The following TLL1 variants were observed in gnomAD, a reference collection of about 807,000 sequenced individuals.
TLL1 encodes tolloid-like protein 1.
In TLL1, 49 loss-of-function variants were observed where a neutral mutation model predicts 128.2. The ratio of observed to expected loss-of-function variants is 0.38; its 90% CI spans 0.30 to 0.48. The LOEUF is 0.48. Among genes scored for constraint, TLL1 ranks in the 20% least tolerant of loss-of-function variants. The pLI, the probability that TLL1 is intolerant of heterozygous loss-of-function variation, is 0.96. For missense variants in TLL1, 1,123 were observed against 1,242.0 expected (o/e 0.90, Z 1.44); for synonymous variants, 454 against 418.8 (o/e 1.08, Z -1.03).
chr4:166,073,507 T>A (rs1208109739), intron 16 of TLL1, among the ~76,000 whole-genome samples: 1 of 152,150 alleles, frequency 6.6e-6, no homozygotes, highest in Non-Finnish European at 1.5e-5. Flanking sequence ...GTTTTGCTTT[T>A]TGCTTATTCT....
intron 1 of TLL1, among the ~76,000 whole-genome samples, chr4:165,894,446 C>T (rs1046006862): frequency 6.6e-6 from 1 of 152,080 alleles, no homozygotes; most frequent in African/African-American, 2.4e-5. Flanking sequence ...GAAAGAAATG[C>T]ACTGTCAACT....
In TLL1 at chr4:166,003,511, A is replaced by G. The variant is rs763177167; in HGVS notation, c.753A>G (p.Glu251=). 3.1e-6 allele frequency: 5 copies of G among 1,614,066 alleles called. No individual in the cohort carries two copies. In the South Asian group the frequency reaches 5.5e-5, roughly 18 times the overall value. Reference sequence around the variant, plus strand: ...GTCATGTGATAGGCTTTTGGCATGAACACACAAGACCAGATCGAGATAACC... The same window carrying G: ...GTCATGTGATAGGCTTTTGGCATGAGCACACAAGACCAGATCGAGATAACC... ...ELGHVIGFWH[E]HTRPDRDNHV... The change falls in exon 6 of 21, where the codon GAA becomes GAG. Residue 251 remains glutamate, a synonymous_variant. Transcript: ENST00000061240.
chr4:165,911,546 C>T (rs973808452), intron 1 of TLL1, among the ~76,000 whole-genome samples: 14 of 152,064 alleles, frequency 9.2e-5, no homozygotes, highest in African/African-American at 2.2e-4. Context: ...TGGTGGTAAA[C>T]GACTTCCTTG....
intron 8 of TLL1, among the ~76,000 whole-genome samples, chr4:166,020,140 G>A (rs1053231215): frequency 2.6e-5 from 4 of 152,062 alleles, no homozygotes; most frequent in Admixed American, 6.6e-5. Flanking sequence ...GCCACATCAC[G>A]TAGCCACAAG....
chr4:166,002,013 C>G (rs1737186841), intron 5 of TLL1, among the ~76,000 whole-genome samples: 1 of 152,070 alleles, frequency 6.6e-6, no homozygotes, highest in Non-Finnish European at 1.5e-5. Context: ...GTTGATTTTT[C>G]TTTACTACTT....
At position 166,050,686 on chromosome 4, in the gene TLL1, C is replaced by T. The variant is rs73863535; in HGVS notation, c.1525-4390C>T. On this transcript the variant is annotated intron_variant, in intron 12 of 20. Transcript: ENST00000061240. ...GTCCCAAGCCTGGCCATGACCCCTA[C>T]CTCCAGGGCTGGCTTTCCTTCAGTG... Among the ~76,000 whole-genome samples the T allele has an allele frequency of 9.1e-3, 1,392 of 152,250 alleles. 21 individuals carry two copies. The highest frequency in any genetic ancestry group is 0.031 in the African/African-American group (1,275 of 41,540).
chr4:166,093,985 A>G (rs1409732796), intron 19 of TLL1, among the ~76,000 whole-genome samples: 1 of 152,172 alleles, frequency 6.6e-6, no homozygotes, highest in Non-Finnish European at 1.5e-5. Context: ...ACAGCATCTC[A>G]GCAAAGCAAT....
At chr4:166,030,115 A>C (rs1487655638) in intron 9 of TLL1, among the ~76,000 whole-genome samples, 1 of 152,098 alleles carries the variant, frequency 6.6e-6, no homozygotes, top group Non-Finnish European at 1.5e-5. Flanking sequence ...CTAAGACTGC[A>C]AAAGGGTTCC....
chr4:166,036,027 C>G (rs916408588), intron 9 of TLL1, among the ~76,000 whole-genome samples: 2 of 152,110 alleles, frequency 1.3e-5, no homozygotes, highest in African/African-American at 4.8e-5. Flanking sequence ...GCTGCTTTTT[C>G]AGTCTAATTG....
At chr4:165,978,906 G>C (rs960553114) in intron 1 of TLL1, among the ~76,000 whole-genome samples, 2 of 152,154 alleles carry the variant, frequency 1.3e-5, no homozygotes, top group African/African-American at 4.8e-5. Flanking sequence ...GGTTCTTGTA[G>C]CTGTTTTCAC....
At chr4:165,875,849 T>C (rs1366457050) in intron 1 of TLL1, among the ~76,000 whole-genome samples, 4 of 152,138 alleles carry the variant, frequency 2.6e-5, no homozygotes, top group African/African-American at 9.7e-5. Flanking sequence ...ACCATGTGTA[T>C]TGAAACACAC....
intron 1 of TLL1, among the ~76,000 whole-genome samples, chr4:165,967,282 A>G (rs1735433095): frequency 6.6e-6 from 1 of 152,160 alleles, no homozygotes; most frequent in African/African-American, 2.4e-5. Flanking sequence ...TGCTCTACAA[A>G]CAATTTGTGC....
At chr4:166,023,136 C>T (rs973025488) in intron 8 of TLL1, among the ~76,000 whole-genome samples, 6 of 152,150 alleles carry the variant, frequency 3.9e-5, no homozygotes, top group African/African-American at 9.7e-5. Context: ...CAGTGGCTCA[C>T]GCCTGTAACC....
intron 18 of TLL1, among the ~76,000 whole-genome samples, chr4:166,082,404 A>G (rs781705265): frequency 2.0e-5 from 3 of 152,180 alleles, no homozygotes; most frequent in African/African-American, 7.2e-5. Flanking sequence ...TTTTGACATT[A>G]TAATTGCTTG....
At position 165,974,394 on chromosome 4, in the gene TLL1, C is replaced by A. The variant is rs1404515602; in HGVS notation, c.170-14987C>A. Among the ~76,000 whole-genome samples, 4 of 130,894 alleles carry A rather than the reference C, an allele frequency of 3.1e-5. 1 individual carries two copies. The highest frequency in any genetic ancestry group is 1.8e-4 in the African/African-American group (4 of 21,878). 85.9% of individuals were successfully genotyped at this position (130,894 alleles called of 152,430 possible). On this transcript the variant is annotated intron_variant, in intron 1 of 20. Transcript: ENST00000061240. The stretch of plus-strand genomic sequence containing the variant: ...TGACCTCGTGATCCGCCCGCCTCGG[C>A]CTCCCAAAGTGCTGGGATTACAGGC...
At chr4:166,046,004 G>A (rs974932872) in intron 12 of TLL1, among the ~76,000 whole-genome samples, 2 of 152,020 alleles carry the variant, frequency 1.3e-5, no homozygotes, top group African/African-American at 4.8e-5. Context: ...ATCTCTTTAT[G>A]TACATGTTTA....
rs1739951917 is a variant in TLL1, at chr4:166,055,282, A to C, written c.1720+11A>C. Reference sequence around the variant, plus strand: ...CTAACTTTTTTAAAGGTAATTTGAAATAATTTTCAAACGTGAGATTTTCTT... The same window carrying C: ...CTAACTTTTTTAAAGGTAATTTGAACTAATTTTCAAACGTGAGATTTTCTT... On this transcript the variant is annotated intron_variant, in intron 13 of 20. Coordinates refer to ENST00000061240, the MANE Select transcript of TLL1 (RefSeq NM_012464.5). 6.2e-7 allele frequency: 1 copy of C among 1,611,494 alleles called. No homozygotes were observed. Among genetic ancestry groups the C allele is most frequent in the Non-Finnish European group, 8.5e-7 (1 of 1,178,158 alleles).
At chr4:165,939,038 C>G (rs889969725) in intron 1 of TLL1, among the ~76,000 whole-genome samples, 1 of 151,516 alleles carries the variant, frequency 6.6e-6, no homozygotes, top group Non-Finnish European at 1.5e-5. Context: ...ATATGTTTCT[C>G]AGCTATCTGA....
intron 9 of TLL1, among the ~76,000 whole-genome samples, chr4:166,038,521 A>T (rs1209029538): frequency 6.6e-6 from 1 of 151,954 alleles, no homozygotes; most frequent in Non-Finnish European, 1.5e-5. Context: ...ATTCCTTTGC[A>T]TCAGATAAGC....
Sources: gnomAD v4.1 joint callset for allele counts (sites outside exome capture counted in the v4.1 genomes callset) on GRCh38, gnomAD v4.1.1 for gene constraint, MANE v1.5 for transcripts, NCBI Gene and HGNC (gene_info 2026-07-23, HGNC 2026-07-21) for gene names.